The following CHP1 variants were observed in gnomAD, a reference collection of about 807,000 sequenced individuals.
CHP1 encodes the protein calcineurin B homologous protein 1.
Under a neutral mutation model 27.4 loss-of-function variants are expected in CHP1, and 11 were observed. The ratio of observed to expected loss-of-function variants is 0.40; its 90% CI spans 0.25 to 0.67. The LOEUF (loss-of-function observed/expected upper bound fraction) is 0.67. Among genes scored for constraint, CHP1 ranks in the 30% least tolerant of loss-of-function variants. CHP1 has a pLI of 0.38. For missense variants in CHP1, 169 were observed against 251.3 expected (o/e 0.67, Z 2.22); for synonymous variants, 89 against 87.4 (o/e 1.02, Z -0.10).
chr15:41,244,091 A>G (rs1018914536), intron 2 of CHP1, among the ~76,000 whole-genome samples: 3 of 151,092 alleles, frequency 2.0e-5, no homozygotes, highest in Admixed American at 6.6e-5. Context: ...CCAGCTACTC[A>G]GGAGGCTGAG....
In CHP1 at chr15:41,232,619, A is replaced by G. The variant is rs141901251; in HGVS notation, c.67+1170A>G. ...GTAAAATACCATCATAACTTTGAAT[A>G]GTCCTTGATAATGCAATGTATGATA... is the stretch of plus-strand genomic sequence containing the variant. On this transcript the variant is annotated intron_variant, in intron 1 of 6. Transcript: ENST00000334660. Among the ~76,000 whole-genome samples the G allele has an allele frequency of 7.5e-3, 1,136 of 152,248 alleles. 16 individuals carry two copies. Among genetic ancestry groups the G allele is most frequent in the African/African-American group, 0.026 (1,091 of 41,534 alleles).
chr15:41,272,883 CT>C (rs2047498074), intron 5 of CHP1, among the ~76,000 whole-genome samples: 1 of 152,018 alleles, frequency 6.6e-6, no homozygotes, highest in Admixed American at 6.6e-5. Context: ...CCCGTCTCCC[CT>C]GTCTCTACTA....
intron 2 of CHP1, among the ~76,000 whole-genome samples, chr15:41,245,885 A>G (rs1250663533): frequency 2.0e-5 from 3 of 152,160 alleles, no homozygotes; most frequent in African/African-American, 7.2e-5. Context: ...TGCCAAATCC[A>G]GTGTCCCAAA....
chr15:41,238,238 A>G (rs2047287728), intron 1 of CHP1, among the ~76,000 whole-genome samples: 1 of 150,770 alleles, frequency 6.6e-6, no homozygotes, highest in Non-Finnish European at 1.5e-5. Flanking sequence ...GCTCACTACA[A>G]CCTTGAACTC....
intron 5 of CHP1, 28 bp from the exon 6 acceptor site, chr15:41,278,739 T>G (rs1209028675): frequency 6.2e-7 from 1 of 1,613,578 alleles, no homozygotes; most frequent in Non-Finnish European, 8.5e-7. Flanking sequence ...CCCAAGGCCC[T>G]TGTAATTCCT....
At chr15:41,265,956 T>C (rs868606852) in intron 4 of CHP1, among the ~76,000 whole-genome samples, 6 of 152,078 alleles carry the variant, frequency 3.9e-5, no homozygotes. Flanking sequence ...TGGTACCTTA[T>C]TGCTTTCCTC....
At chr15:41,249,999 G>A (rs1367026666) in intron 2 of CHP1, among the ~76,000 whole-genome samples, 1 of 150,854 alleles carries the variant, frequency 6.6e-6, no homozygotes, top group East Asian at 1.9e-4. Context: ...GCTTTGGTTA[G>A]AATGGAGCTT....
At chr15:41,240,129 T>C (rs1370151113) in intron 1 of CHP1, among the ~76,000 whole-genome samples, 1 of 152,176 alleles carries the variant, frequency 6.6e-6, no homozygotes, top group Non-Finnish European at 1.5e-5. Flanking sequence ...TAGAAAGATG[T>C]TTAATGGCTC....
chr15:41,240,717 C>T (rs528205085), intron 1 of CHP1, among the ~76,000 whole-genome samples: 16 of 143,880 alleles, frequency 1.1e-4, no homozygotes, highest in African/African-American at 3.1e-4. Flanking sequence ...TGTGCCATTG[C>T]GCTCCAGCCT....
intron 2 of CHP1, among the ~76,000 whole-genome samples, chr15:41,246,051 G>A (rs745941440): frequency 1.3e-5 from 2 of 152,014 alleles, no homozygotes; most frequent in Admixed American, 6.6e-5. Context: ...AGCACCATTC[G>A]TTGAAGACGC....
intron 1 of CHP1, among the ~76,000 whole-genome samples, chr15:41,237,849 A>G (rs1595470107): frequency 6.6e-6 from 1 of 152,114 alleles, no homozygotes; most frequent in Non-Finnish European, 1.5e-5. Context: ...AGCTGGGACT[A>G]TAGGCACGTG....
At chr15:41,255,194 C>T (rs189103565) in intron 2 of CHP1, among the ~76,000 whole-genome samples, 2 of 151,942 alleles carry the variant, frequency 1.3e-5, no homozygotes, top group African/African-American at 4.8e-5. Flanking sequence ...TTTCCTAGTC[C>T]GGGATCATGT....
chr15:41,264,177 G>T (rs2047448386), intron 4 of CHP1: 12 of 1,286,188 alleles, frequency 9.3e-6, no homozygotes, highest in Middle Eastern at 2.1e-4. Flanking sequence ...GAGGAAGAGA[G>T]ATATATATAG....
At chr15:41,243,869 A>G (rs2047319783) in intron 2 of CHP1, 130 bp downstream of exon 2, 2 of 718,564 alleles carry the variant, frequency 2.8e-6, no homozygotes, top group South Asian at 1.9e-5. Flanking sequence ...CCATTTCTCT[A>G]CTGGTCTTTG....
At chr15:41,236,241 G>T (rs2047276206) in intron 1 of CHP1, among the ~76,000 whole-genome samples, 3 of 151,730 alleles carry the variant, frequency 2.0e-5, no homozygotes, top group African/African-American at 7.3e-5. Flanking sequence ...ACTGTGCCTG[G>T]CAACTACCTG....
chr15:41,261,134 T>TTTTCC (rs1048153027), intron 3 of CHP1, among the ~76,000 whole-genome samples: 3 of 150,634 alleles, frequency 2.0e-5, no homozygotes, highest in African/African-American at 7.3e-5. Flanking sequence ...TTTTCCTTCC[T>TTTTCC]TTTCCTTTCC....
At chr15:41,231,987 C>G (rs1177244411) in intron 1 of CHP1, among the ~76,000 whole-genome samples, 2 of 151,960 alleles carry the variant, frequency 1.3e-5, no homozygotes, top group African/African-American at 4.8e-5. Flanking sequence ...GCCTGGAGAC[C>G]TTTAAACAAT....
intron 2 of CHP1, among the ~76,000 whole-genome samples, chr15:41,249,462 CTTTTTTT>C (rs1163537727): frequency 1.0e-4 from 8 of 78,480 alleles, no homozygotes; most frequent in Admixed American, 1.6e-4. Context: ...CCTTCACCTT[CTTTTTTT>C]TTTTTTTTTT....
Position 41,236,107 on chromosome 15 carries a change from C to T in CHP1, c.67+4658C>T, listed in dbSNP as rs182029421. Among the ~76,000 whole-genome samples the T allele has an allele frequency of 5.1e-3, 747 of 146,698 alleles. 8 individuals carry two copies. The highest frequency in any genetic ancestry group is 6.9e-3 in the Middle Eastern group (2 of 288). ...TTTTTTTTTTTTTTTGAGACAGGGT[C>T]TCACTCTGTTGCCCAGGCTGGAGTG... On this transcript the variant is annotated intron_variant, in intron 1 of 6. Transcript: ENST00000334660.
Sources: gnomAD v4.1 joint callset for allele counts (sites outside exome capture counted in the v4.1 genomes callset) on GRCh38, gnomAD v4.1.1 for gene constraint, MANE v1.5 for transcripts, NCBI Gene and HGNC (gene_info 2026-07-23, HGNC 2026-07-21) for gene names.